NAV1: variants seen among roughly 807,000 people sequenced by gnomAD.
NAV1 encodes neuron navigator 1.
NAV1 carries 18 observed loss-of-function variants against 175.2 expected under a neutral mutation model. The observed-to-expected ratio is 0.10, with a 90% CI of 0.07 to 0.15. NAV1 has a LOEUF of 0.15. Ranked by LOEUF, NAV1 falls within the 10% of genes least tolerant of loss-of-function variation. The pLI, the probability that NAV1 is intolerant of heterozygous loss-of-function variation, is 1.00. For missense variants in NAV1, 1,731 were observed against 2,436.6 expected, an observed-to-expected ratio of 0.71 and a Z score of 6.10; for synonymous variants, 897 against 978.7, an observed-to-expected ratio of 0.92 and a Z score of 1.56.
chr1:201,797,937 C>G (rs1176338299), intron 15 of NAV1: 1 of 152,212 alleles, frequency 6.6e-6, no homozygotes, highest in Non-Finnish European at 1.5e-5. Context: ...CAGACCTTTA[C>G]TTCCAACCAC....
At position 201,788,372 on chromosome 1, in the gene NAV1, G is replaced by A; in HGVS notation, c.2996-96G>A. ...TCCCCATTTGCCTCTCATGCTCCCG[G>A]TGCTCCATCCCCCAAGGGCCCGGAG... On this transcript the variant is annotated intron_variant, in intron 9 of 29. Transcript: ENST00000367296. The surrounding 1 kb of genome is among the most constrained non-coding windows in gnomAD (Gnocchi z 5.7). 1.5e-6 allele frequency: 2 copies of A among 1,337,410 alleles called. No individual in the cohort carries two copies. The highest frequency in any genetic ancestry group is 1.2e-5 in the South Asian group (1 of 83,336). The allele number at this position is 1,337,410 out of a possible 1,614,324, so 82.8% of individuals were successfully genotyped here. A position where few individuals can be genotyped will look rare whatever the true frequency, so the allele number is the denominator to read the frequency against.
intron 2 of NAV1, among the ~76,000 whole-genome samples, chr1:201,642,511 C>CTCTCTCTTTCTTTCTTTCTTTCTTTCTT (rs1553247034): frequency 4.4e-5 from 2 of 45,590 alleles, no homozygotes; most frequent in South Asian, 1.3e-3. Flanking sequence ...CGCACCCGGC[C>CTCTCTCTTTCTTTCTTTCTTTCTTTCTT]TCTTTCTTTC....
chr1:201,617,814 T>A (rs1277228815), intron 2 of NAV1, among the ~76,000 whole-genome samples: 1 of 152,200 alleles, frequency 6.6e-6, no homozygotes, highest in Non-Finnish European at 1.5e-5. Flanking sequence ...GTAGCTAACA[T>A]TATGCATCTC....
At chr1:201,672,525 C>A (rs1670081669) in intron 1 of NAV1, among the ~76,000 whole-genome samples, 1 of 152,104 alleles carries the variant, frequency 6.6e-6, no homozygotes, top group Non-Finnish European at 1.5e-5. Context: ...TTCAGTGAAC[C>A]CACACAGCCC....
At chr1:201,613,410 C>A (rs1237199686) in intron 2 of NAV1, among the ~76,000 whole-genome samples, 2 of 151,732 alleles carry the variant, frequency 1.3e-5, no homozygotes, top group Non-Finnish European at 2.9e-5. Context: ...TTCTGCTATT[C>A]TGACTGAAAT....
intron 16 of NAV1, 143 bp from the exon 21 acceptor site, chr1:201,804,346 C>T (rs1678139710): frequency 2.5e-6 from 2 of 786,464 alleles, no homozygotes; most frequent in Non-Finnish European, 4.0e-6. Context: ...ACGTCCTGCT[C>T]CTCTGTCCCC....
At position 201,773,159 on chromosome 1, in the gene NAV1, A is replaced by G. The variant is rs185971894; in HGVS notation, c.1227-7262A>G. On this transcript the variant is annotated intron_variant, in intron 3 of 29. Transcript: ENST00000367296. ...GGCTCCAACATCTGTGCTCTTAATCACTATACTACATTAATGATGGCTCAT... is the reference window on the plus strand; with the variant it reads ...GGCTCCAACATCTGTGCTCTTAATCGCTATACTACATTAATGATGGCTCAT... 9.6e-4 allele frequency among the ~76,000 whole-genome samples: 146 copies of G among 152,206 alleles called. 1 individual carries two copies. The highest frequency in any genetic ancestry group is 3.4e-3 in the African/African-American group (142 of 41,522).
At chr1:201,731,529 G>A (rs1672859974) in intron 3 of NAV1, among the ~76,000 whole-genome samples, 2 of 152,188 alleles carry the variant, frequency 1.3e-5, no homozygotes, top group South Asian at 4.1e-4. Flanking sequence ...AAAGGGGTCT[G>A]TGTCGTACCT....
Position 201,804,479 on chromosome 1 carries a change from T to G in NAV1, c.3640-10T>G. On this transcript the variant is annotated splice_polypyrimidine_tract_variant and intron_variant, in intron 16 of 29. Coordinates refer to ENST00000367296, the Ensembl canonical transcript of NAV1. ...CAAAATGCTGACTCCAAATCCCTAT[T>G]TTTTTCCAGGTCTATGAGGTAAGAG... 1 of 1,547,174 alleles carries G rather than the reference T, an allele frequency of 6.5e-7. No individual in the cohort carries two copies. Among genetic ancestry groups the G allele is most frequent in the Non-Finnish European group, 8.7e-7 (1 of 1,145,832 alleles).
chr1:201,613,811 A>G (rs373245425), intron 2 of NAV1, among the ~76,000 whole-genome samples: 3 of 152,148 alleles, frequency 2.0e-5, no homozygotes, highest in Admixed American at 6.5e-5. Context: ...GCAGTGAGCC[A>G]AGATCACGCC....
At position 201,572,852 on chromosome 1, in the gene NAV1, G is replaced by T. The variant is rs1301411599; in HGVS notation, c.-143-15687G>T. 3.3e-5 allele frequency among the ~76,000 whole-genome samples: 5 copies of T among 152,184 alleles called. No individual in the cohort carries two copies. In the East Asian group the frequency reaches 9.7e-4, roughly 29 times the overall value. On this transcript the variant is annotated intron_variant, in intron 1 of 33. Transcript: ENST00000685211. ...CTCAAGTAGATGCCCTGGGGTAGGG[G>T]GTGGTTTCCAGCTGTGCTCTTCTTG...
At chr1:201,561,321 G>A (rs535951321) in intron 1 of NAV1, among the ~76,000 whole-genome samples, 7 of 152,296 alleles carry the variant, frequency 4.6e-5, no homozygotes, top group African/African-American at 1.7e-4. Context: ...CTAGCTCCCA[G>A]CCTAAAGGGT....
chr1:201,573,627 C>T (rs943491983), intron 1 of NAV1, among the ~76,000 whole-genome samples: 6 of 152,188 alleles, frequency 3.9e-5, no homozygotes, highest in African/African-American at 1.4e-4. Flanking sequence ...GGCCTGCCTG[C>T]TGTACCTATC....
upstream of NAV1, among the ~76,000 whole-genome samples, chr1:201,622,728 G>A (rs1343492066): frequency 1.3e-5 from 2 of 152,122 alleles, no homozygotes; most frequent in East Asian, 1.9e-4. Context: ...TGCGAACCAG[G>A]AGTGCCAGTG....
chr1:201,645,067 T>G (rs1668929134), upstream of NAV1, among the ~76,000 whole-genome samples: 1 of 152,110 alleles, frequency 6.6e-6, no homozygotes, highest in Admixed American at 6.5e-5. Context: ...ACCCAAAGGA[T>G]TATAAATCAT....
upstream of NAV1, among the ~76,000 whole-genome samples, chr1:201,645,132 C>G (rs1339029908): frequency 6.6e-6 from 1 of 151,974 alleles, no homozygotes; most frequent in Non-Finnish European, 1.5e-5. Context: ...TTCACAATAG[C>G]AAAGACTTGG....
At chr1:201,804,579 T>TA (rs377039916) in intron 17 of NAV1, 82 bp downstream of exon 21, 20,334 of 354,994 alleles carry the variant, frequency 0.057, 378 homozygotes, top group African/African-American at 0.16. Context: ...TCCCTTCCCC[T>TA]AAAAAAAAAA....
chr1:201,713,711 G>A (rs1389415172), intron 2 of NAV1, among the ~76,000 whole-genome samples: 1 of 152,174 alleles, frequency 6.6e-6, no homozygotes, highest in East Asian at 1.9e-4. Context: ...GGGAAATCAT[G>A]GGGGGTGTGG....
At chr1:201,564,819 C>A (rs141758014) in intron 1 of NAV1, among the ~76,000 whole-genome samples, 37 of 152,330 alleles carry the variant, frequency 2.4e-4, no homozygotes, top group African/African-American at 8.9e-4. Context: ...GTTTCCTTGC[C>A]TTTTCCAGCT....
Sources: gnomAD v4.1 joint callset for allele counts (sites outside exome capture counted in the v4.1 genomes callset) on GRCh38, gnomAD v4.1.1 for gene constraint, Gnocchi (gnomAD v3.1) non-coding constraint, MANE v1.5 for transcripts, NCBI Gene and HGNC (gene_info 2026-07-23, HGNC 2026-07-21) for gene names.